ESRRG: variants seen among roughly 807,000 people sequenced by gnomAD.
ESRRG encodes the protein estrogen-related receptor gamma.
In ESRRG, 13 loss-of-function variants were observed where a neutral mutation model predicts 44.0. The ratio of observed to expected loss-of-function variants is 0.30; its 90% CI spans 0.19 to 0.47. The LOEUF (loss-of-function observed/expected upper bound fraction) is 0.47. ESRRG is among the 20% of genes least tolerant of loss of function. The pLI is 1.00. For missense variants in ESRRG, 395 were observed against 580.6 expected (o/e 0.68, Z 3.29); for synonymous variants, 215 against 214.6 (o/e 1.00, Z -0.02).
chr1:217,066,255 CTTTTTTTTT>C (rs68151743), intron 1 of ESRRG, among the ~76,000 whole-genome samples: 1 of 132,512 alleles, frequency 7.5e-6, no homozygotes, highest in South Asian at 2.4e-4. Flanking sequence ...TTTTTCTTTT[CTTTTTTTTT>C]TTTTTTTTGA....
chr1:216,521,452 C>CA (rs113482264), intron 5 of ESRRG, among the ~76,000 whole-genome samples: 11,873 of 145,202 alleles, frequency 0.082, 490 homozygotes, highest in African/African-American at 0.094. Context: ...ATTAAAATAC[C>CA]AAAAAAAAAA....
At chr1:216,662,910 C>T (rs1289260001) in intron 2 of ESRRG, among the ~76,000 whole-genome samples, 2 of 152,140 alleles carry the variant, frequency 1.3e-5, no homozygotes, top group Non-Finnish European at 2.9e-5. Flanking sequence ...GGATTTGGCC[C>T]GCAGGCCTTG....
At chr1:216,918,851 A>AATAT (rs1177136810) in intron 2 of ESRRG, among the ~76,000 whole-genome samples, 1 of 148,204 alleles carries the variant, frequency 6.7e-6, no homozygotes, top group East Asian at 1.9e-4. Flanking sequence ...TATATATAAT[A>AATAT]ATATATATAT....
At chr1:216,747,356 C>T (rs1370649720) in intron 2 of ESRRG, among the ~76,000 whole-genome samples, 1 of 152,136 alleles carries the variant, frequency 6.6e-6, no homozygotes, top group Non-Finnish European at 1.5e-5. Context: ...GGAATAATGT[C>T]AGTGTTCATA....
intron 2 of ESRRG, among the ~76,000 whole-genome samples, chr1:216,659,812 A>C (rs2071771632): frequency 6.6e-6 from 1 of 152,056 alleles, no homozygotes; most frequent in Non-Finnish European, 1.5e-5. Flanking sequence ...ACTTTATTAT[A>C]TGTATCTGTG....
intron 1 of ESRRG, among the ~76,000 whole-genome samples, chr1:217,137,508 T>G (rs902722383): frequency 1.3e-5 from 2 of 152,212 alleles, no homozygotes; most frequent in Non-Finnish European, 2.9e-5. Flanking sequence ...GCTGACGGAC[T>G]GCCCTTTCCA....
At chr1:216,665,657 C>A (rs1207305073) in intron 2 of ESRRG, among the ~76,000 whole-genome samples, 1 of 151,980 alleles carries the variant, frequency 6.6e-6, no homozygotes, top group Non-Finnish European at 1.5e-5. Flanking sequence ...TAATGTACTA[C>A]ACATTAAAAA....
intron 2 of ESRRG, chr1:216,863,723 C>T (rs2096094010): frequency 6.6e-6 from 1 of 151,886 alleles, no homozygotes; most frequent in Non-Finnish European, 1.5e-5. Context: ...TTTGCTATTC[C>T]CTCTGCAACA....
chr1:216,748,248 A>G (rs1043675096), intron 2 of ESRRG, among the ~76,000 whole-genome samples: 2 of 152,172 alleles, frequency 1.3e-5, no homozygotes, highest in Admixed American at 1.3e-4. Flanking sequence ...CATGCTACCC[A>G]GACGGAATGG....
chr1:217,028,053 G>T (rs902510205), intron 1 of ESRRG, among the ~76,000 whole-genome samples: 1 of 152,058 alleles, frequency 6.6e-6, no homozygotes, highest in African/African-American at 2.4e-5. Flanking sequence ...CTCAAGTGGC[G>T]CACAGATTTG....
chr1:216,867,027 T>C (rs556882979), intron 2 of ESRRG, among the ~76,000 whole-genome samples: 1 of 152,326 alleles, frequency 6.6e-6, no homozygotes, highest in East Asian at 1.9e-4. Context: ...TTTTAAAAAA[T>C]AAAATGATGA....
intron 5 of ESRRG, among the ~76,000 whole-genome samples, chr1:216,547,601 C>T (rs950267109): frequency 6.6e-6 from 1 of 152,074 alleles, no homozygotes; most frequent in African/African-American, 2.4e-5. Flanking sequence ...ACATTTCATA[C>T]ATTAAAGATG....
chr1:216,581,738 A>G (rs1369175409), intron 3 of ESRRG, among the ~76,000 whole-genome samples: 3 of 152,184 alleles, frequency 2.0e-5, no homozygotes, highest in Non-Finnish European at 2.9e-5. Flanking sequence ...TGCCAGTTAG[A>G]TATTTATTGC....
rs1327103450 is a variant in ESRRG, at chr1:216,710,120, C to A, written c.56+13124G>T. Among the ~76,000 whole-genome samples, 9 of 152,252 alleles carry A rather than the reference C, an allele frequency of 5.9e-5. No individual in the cohort carries two copies. The East Asian group carries it at 1.5e-3, about 26-fold the overall frequency. On this transcript the variant is annotated intron_variant, in intron 1 of 6. Coordinates refer to ENST00000408911, the MANE Select transcript of ESRRG (RefSeq NM_001438.4). ...TTTAGTAAACAAGGCGGGTACAAGT[C>A]CAGAGTGGCTTCTATCTTCCAGTCC...
At chr1:216,838,075 A>T (rs2095596638) in intron 2 of ESRRG, among the ~76,000 whole-genome samples, 2 of 152,264 alleles carry the variant, frequency 1.3e-5, no homozygotes, top group South Asian at 4.2e-4. Flanking sequence ...AAGGCATGAA[A>T]TGGAGACTAA....
At chr1:217,024,792 T>A (rs1044567405) in intron 1 of ESRRG, among the ~76,000 whole-genome samples, 1 of 152,196 alleles carries the variant, frequency 6.6e-6, no homozygotes, top group Non-Finnish European at 1.5e-5. Flanking sequence ...TCATTTGATA[T>A]TCACAACAGC....
chr1:216,600,136 T>G (rs1403582190), intron 3 of ESRRG, among the ~76,000 whole-genome samples: 1 of 152,206 alleles, frequency 6.6e-6, no homozygotes, highest in Non-Finnish European at 1.5e-5. Flanking sequence ...GAGAAACTTC[T>G]GGTCTGATAC....
In ESRRG at chr1:216,873,604, C is replaced by T. The variant is rs1392493293; in HGVS notation, c.-14+65978G>A. 4.6e-5 allele frequency among the ~76,000 whole-genome samples: 7 copies of T among 152,016 alleles called. No individual in the cohort carries two copies. In the East Asian group the frequency reaches 1.4e-3, roughly 30 times the overall value. On this transcript the variant is annotated intron_variant, in intron 2 of 7. Coordinates refer to the ESRRG transcript ENST00000359162. ...TTCTGTTTTCTTGGGGTCCTCTTTT[C>T]AGTCCTCCAACTAGAAATCTGGGGC...
At chr1:216,667,457 G>A (rs1417487490) in intron 2 of ESRRG, among the ~76,000 whole-genome samples, 4 of 151,864 alleles carry the variant, frequency 2.6e-5, no homozygotes, top group Non-Finnish European at 4.4e-5. Context: ...AGACCAAGGC[G>A]GGTGGATCAC....
Sources: gnomAD v4.1 joint callset for allele counts (sites outside exome capture counted in the v4.1 genomes callset) on GRCh38, gnomAD v4.1.1 for gene constraint, MANE v1.5 for transcripts, NCBI Gene and HGNC (gene_info 2026-07-23, HGNC 2026-07-21) for gene names.